Variants in SPAG17 observed in about 807,000 individuals in gnomAD.
SPAG17 encodes sperm associated antigen 17.
In SPAG17, 169 loss-of-function variants were observed where a neutral mutation model predicts 273.6. That is an observed-to-expected ratio of 0.62 (90% CI 0.55 to 0.70). The LOEUF is 0.70. SPAG17 is among the 30% of genes least tolerant of loss of function. The pLI is 0.00. For synonymous variants in SPAG17, 825 were observed against 873.2 expected, an observed-to-expected ratio of 0.94 and a Z score of 0.97; for missense variants, 2,557 against 2,627.8, an observed-to-expected ratio of 0.97 and a Z score of 0.59.
intron 3 of SPAG17, among the ~76,000 whole-genome samples, chr1:118,135,028 G>A (rs1416733473): frequency 6.6e-6 from 1 of 152,192 alleles, no homozygotes; most frequent in East Asian, 1.9e-4. Context: ...GCTGTTTGAA[G>A]GCTGGAATTA....
chr1:118,182,267 T>C (rs1660985188), intron 1 of SPAG17, among the ~76,000 whole-genome samples: 1 of 152,128 alleles, frequency 6.6e-6, no homozygotes, highest in Non-Finnish European at 1.5e-5. Context: ...GAAAGTACAA[T>C]GGCAGCTTCC....
chr1:118,005,663 G>A (rs1173200785), intron 31 of SPAG17, 61 bp from the exon 32 acceptor site: 3 of 1,228,520 alleles, frequency 2.4e-6, no homozygotes, highest in Admixed American at 6.6e-5. Flanking sequence ...TGTGGGACTT[G>A]GAAAACCATT....
chr1:118,096,684 T>C (rs1655730186), intron 7 of SPAG17, among the ~76,000 whole-genome samples: 1 of 152,224 alleles, frequency 6.6e-6, no homozygotes, highest in Non-Finnish European at 1.5e-5. Context: ...GCATCTGTCA[T>C]TCACTACTTT....
intron 3 of SPAG17, among the ~76,000 whole-genome samples, 153 bp from the exon 4 acceptor site, chr1:118,115,594 T>A (rs1657030047): frequency 6.6e-6 from 1 of 151,784 alleles, no homozygotes; most frequent in African/African-American, 2.4e-5. Flanking sequence ...GGGAAAAAAA[T>A]GCCTCAATGC....
At chr1:117,959,332 A>G (rs1223239056) in intron 48 of SPAG17, 2 of 1,613,942 alleles carry the variant, frequency 1.2e-6, no homozygotes, top group East Asian at 4.5e-5. Context: ...GATTATCTCA[A>G]GAGGGAATGC....
At chr1:118,147,971 G>A (rs1040513182) in intron 3 of SPAG17, among the ~76,000 whole-genome samples, 11 of 152,068 alleles carry the variant, frequency 7.2e-5, no homozygotes, top group African/African-American at 2.4e-4. Flanking sequence ...AGAATAACTA[G>A]GCTTTGATTT....
intron 20 of SPAG17, among the ~76,000 whole-genome samples, chr1:118,052,514 A>G (rs1241720846): frequency 6.6e-6 from 1 of 152,002 alleles, no homozygotes; most frequent in East Asian, 1.9e-4. Context: ...AGTGAAATGT[A>G]TACTTGAAAA....
Position 117,971,840 on chromosome 1 carries a change from G to T in SPAG17, c.6326+23C>A, listed in dbSNP as rs762207154. 6 of 1,597,360 alleles carry T rather than the reference G, an allele frequency of 3.8e-6. No individual in the cohort carries two copies. In the South Asian group the frequency reaches 6.8e-5, roughly 18 times the overall value. ...AGGGTAGGGAAAGGTAACCTGAGCA[G>T]ACCTTTGGTCCCTTGGCCTCACCTG... is the stretch of plus-strand genomic sequence containing the variant. On this transcript the variant is annotated intron_variant, in intron 45 of 48. Coordinates refer to ENST00000336338, the MANE Select transcript of SPAG17 (RefSeq NM_206996.4).
chr1:117,981,159 C>T (rs1292056389), intron 43 of SPAG17, 111 bp downstream of exon 43: 15 of 1,201,318 alleles, frequency 1.2e-5, no homozygotes, highest in Non-Finnish European at 1.7e-5. Context: ...CCGTGACCCT[C>T]TCGATTTTTT....
intron 7 of SPAG17, among the ~76,000 whole-genome samples, chr1:118,095,998 A>G (rs1655681557): frequency 6.6e-6 from 1 of 152,198 alleles, no homozygotes. Flanking sequence ...TCTGCCTTCT[A>G]TCACAGCTTT....
At chr1:118,061,922 G>A (rs1188936733) in intron 18 of SPAG17, among the ~76,000 whole-genome samples, 1 of 151,982 alleles carries the variant, frequency 6.6e-6, no homozygotes, top group African/African-American at 2.4e-5. Context: ...AAAATAAAAG[G>A]ACAAAATTAG....
chr1:117,967,906 G>A (rs1165951723), intron 46 of SPAG17, among the ~76,000 whole-genome samples: 1 of 152,182 alleles, frequency 6.6e-6, no homozygotes, highest in Non-Finnish European at 1.5e-5. Context: ...AGATACAAAT[G>A]GAATGTTTTC....
rs147403499 is a variant in SPAG17, at chr1:118,112,106, A to T, written c.447+3204T>A. 4.7e-3 allele frequency among the ~76,000 whole-genome samples: 712 copies of T among 152,140 alleles called. 7 individuals carry two copies. Among genetic ancestry groups the T allele is most frequent in the African/African-American group, 0.016 (685 of 41,538 alleles). On this transcript the variant is annotated intron_variant, in intron 4 of 48. Coordinates refer to ENST00000336338, the MANE Select transcript of SPAG17 (RefSeq NM_206996.4). ...AAATAGTTAATGACTTTTTGTATCG[A>T]AGCTTTTTTTTCATTTTTTTAATTA...
chr1:118,051,926 TATA>T (rs1651080584), intron 20 of SPAG17, among the ~76,000 whole-genome samples: 1 of 133,996 alleles, frequency 7.5e-6, no homozygotes, highest in Non-Finnish European at 1.5e-5. Flanking sequence ...CATAAACTAT[TATA>T]ATATATATAA....
chr1:118,016,318 T>C (rs1175952753), intron 28 of SPAG17, 136 bp from the exon 29 acceptor site: 7 of 679,188 alleles, frequency 1.0e-5, no homozygotes, highest in South Asian at 2.0e-5. Flanking sequence ...TATTCATCAA[T>C]TATATTATTT....
chr1:118,036,643 T>G, intron 24 of SPAG17, 127 bp downstream of exon 24: 1 of 648,122 alleles, frequency 1.5e-6, no homozygotes, highest in South Asian at 1.9e-5. Flanking sequence ...ATTACCATCC[T>G]GCAGGAAAAA....
At position 118,074,461 on chromosome 1, in the gene SPAG17, T is replaced by C. The variant is rs1653907486; in HGVS notation, c.2271+78A>G. 6 of 1,218,600 alleles carry C rather than the reference T, an allele frequency of 4.9e-6. No homozygotes were observed. In the Admixed American group the frequency reaches 7.0e-5, roughly 14 times the overall value. The allele number at this position is 1,218,600 out of a possible 1,614,324, so 75.5% of individuals were successfully genotyped here. A position where few individuals can be genotyped will look rare whatever the true frequency, so the allele number is the denominator to read the frequency against. On this transcript the variant is annotated intron_variant, in intron 16 of 48. Transcript: ENST00000336338. The stretch of plus-strand genomic sequence containing the variant: ...CTTCTAAGTATCTTCTTTTTTCTTT[T>C]TCAGTGTTTCTTACTCCAAGTCATG...
intron 46 of SPAG17, among the ~76,000 whole-genome samples, chr1:117,967,509 A>G (rs900072818): frequency 1.3e-5 from 2 of 152,192 alleles, no homozygotes; most frequent in Admixed American, 1.3e-4. Flanking sequence ...TCATGTTTTA[A>G]GAAAGTTTAG....
intron 12 of SPAG17, 108 bp downstream of exon 12, chr1:118,086,563 C>A: frequency 1.1e-6 from 1 of 925,224 alleles, no homozygotes. Context: ...TTGTACATTA[C>A]ATTTTAATTA....
Sources: gnomAD v4.1 joint callset for allele counts (sites outside exome capture counted in the v4.1 genomes callset) on GRCh38, gnomAD v4.1.1 for gene constraint, MANE v1.5 for transcripts, NCBI Gene and HGNC (gene_info 2026-07-23, HGNC 2026-07-21) for gene names.